Variants in ABCB1 observed in about 807,000 individuals in gnomAD.
ABCB1 encodes ATP binding cassette subfamily B member 1.
ABCB1 carries 69 observed loss-of-function variants against 142.0 expected under a neutral mutation model. The ratio of observed to expected loss-of-function variants is 0.49; its 90% CI spans 0.40 to 0.59. The LOEUF (loss-of-function observed/expected upper bound fraction) is 0.59. Among genes scored for constraint, ABCB1 ranks in the 20% least tolerant of loss-of-function variants. The probability of loss-of-function intolerance (pLI) is 0.00; values close to 1 mark genes in which losing one functional copy is unlikely to be tolerated. For missense variants in ABCB1, 1,326 were observed against 1,554.7 expected, an observed-to-expected ratio of 0.85 and a Z score of 2.47; for synonymous variants, 532 against 539.2, an observed-to-expected ratio of 0.99 and a Z score of 0.18.
At chr7:87,593,260 G>T (rs1819067901) in intron 3 of ABCB1, among the ~76,000 whole-genome samples, 1 of 152,112 alleles carries the variant, frequency 6.6e-6, no homozygotes, top group Non-Finnish European at 1.5e-5. Context: ...TTCATTTTGT[G>T]TAGAAATTAC....
rs201566913 is a variant in ABCB1 at position 87,509,506 on chromosome 7, A to G, written c.3283-25T>C. ...GCTGAAAACAAGAGTTCACAGATCA[A>G]CTTCAGGACCAGCACACTTTGAATG... On this transcript the variant is annotated intron_variant, in intron 25 of 27. Transcript: ENST00000622132. The G allele has an allele frequency of 9.9e-6, 16 of 1,609,626 alleles. 1 individual carries two copies. The South Asian group carries it at 1.8e-4, about 18-fold the overall frequency.
chr7:87,629,260 C>T (rs1453713433), intron 1 of ABCB1: 1 of 282,240 alleles, frequency 3.5e-6, no homozygotes, highest in East Asian at 6.0e-5. Context: ...GGAAGAAGAG[C>T]TCTTTCATTT....
chr7:87,628,893 C>T lies in ABCB1; in HGVS notation c.-330-27815G>A, dbSNP rs372672361. The T allele has an allele frequency of 1.1e-4, 140 of 1,303,590 alleles. No homozygotes were observed. Among genetic ancestry groups the T allele is most frequent in the Non-Finnish European group, 1.3e-4 (132 of 1,018,626 alleles). 80.8% of individuals were successfully genotyped at this position (1,303,590 alleles called of 1,614,324 possible). ...TGGCGGCGGAGGCGGCAAGAAAAGCCTGAGCGCCCGCAATGCTGCGGTGGA... is the reference window on the plus strand; with the variant it reads ...TGGCGGCGGAGGCGGCAAGAAAAGCTTGAGCGCCCGCAATGCTGCGGTGGA... On this transcript the variant is annotated intron_variant, in intron 1 of 28. Transcript: ENST00000265724.
At chr7:87,537,448 C>T (rs1168195632) in intron 19 of ABCB1, among the ~76,000 whole-genome samples, 1 of 152,104 alleles carries the variant, frequency 6.6e-6, no homozygotes, top group Non-Finnish European at 1.5e-5. Flanking sequence ...GTAGGGAGAT[C>T]AGTTAGGAAG....
At chr7:87,512,532 G>T (rs1815060020) in intron 25 of ABCB1, among the ~76,000 whole-genome samples, 1 of 152,120 alleles carries the variant, frequency 6.6e-6, no homozygotes, top group Non-Finnish European at 1.5e-5. Context: ...GGGATTCAAG[G>T]TCCACTGATG....
chr7:87,510,919 A>G (rs1000588182), intron 25 of ABCB1, among the ~76,000 whole-genome samples: 2 of 152,206 alleles, frequency 1.3e-5, no homozygotes, highest in East Asian at 3.8e-4. Context: ...CTTGTTAGAT[A>G]AAACACTGTA....
rs1207664181 is a variant in ABCB1 at position 87,626,019 on chromosome 7, TATATAG to T, written c.-330-24947_-330-24942del. Among the ~76,000 whole-genome samples the T allele has an allele frequency of 2.5e-3, 341 of 137,496 alleles. 7 individuals carry two copies. Among genetic ancestry groups the T allele is most frequent in the African/African-American group, 9.7e-3 (328 of 33,886 alleles). 90.2% of individuals were successfully genotyped at this position (137,496 alleles called of 152,430 possible). ...ATATATGTATATGTACATATATATA[TATATAG>T]AGAGAGAGAGAGAGAGAGAGATGGA... On this transcript the variant is annotated intron_variant, in intron 1 of 28. Transcript: ENST00000265724.
intron 1 of ABCB1, among the ~76,000 whole-genome samples, chr7:87,626,269 TG>T (rs1309408035): frequency 8.3e-5 from 4 of 48,384 alleles, no homozygotes; most frequent in African/African-American, 1.1e-4. Flanking sequence ...GTGTCATATA[TG>T]TGTCATATAT....
At position 87,553,829 on chromosome 7, in the gene ABCB1, C is replaced by T. The variant is rs1237664337; in HGVS notation, c.931G>A (p.Ala311Thr). The change falls in exon 9 of 28, where the codon GCT becomes ACT. Residue 311 changes from alanine to threonine, a missense_variant. By Grantham distance (58) the Ala-to-Thr change is moderately conservative. Transcript: ENST00000622132. ...AAFLLIYASY[A>T]LAFWYGTTLV... is the part of the protein sequence containing the mutation. ...GTGGTCCCATACCAGAAGGCCAGAG[C>T]ATAAGATGCATAGATCAGCAGGAAA... 1 of 1,614,082 alleles carries T rather than the reference C, an allele frequency of 6.2e-7. No homozygotes were observed. Among genetic ancestry groups the T allele is most frequent in the East Asian group, 2.2e-5 (1 of 44,866 alleles).
chr7:87,710,804 T>C, intron 1 of ABCB1: 1 of 512,254 alleles, frequency 2.0e-6, no homozygotes, highest in Non-Finnish European at 3.5e-6. Context: ...CACTGTCTTC[T>C]TAGGAAAATG....
At position 87,545,938 on chromosome 7, in the gene ABCB1, T is replaced by A; in HGVS notation, c.1812A>T (p.Gly604=). ...NADVIAGFDD[G]VIVEKGNHDE... The stretch of plus-strand genomic sequence containing the variant: ...CATGATTTCCTTTCTCCACAATGAC[T>A]CCATCATCGAAACCAGCGATGACGT... Residue 604 remains glycine (G), a synonymous_variant, in exon 15 of 28, where the codon GGA becomes GGT. Coordinates refer to ENST00000622132, the MANE Select transcript of ABCB1 (RefSeq NM_001348946.2). 6.2e-7 allele frequency: 1 copy of A among 1,614,138 alleles called. No individual in the cohort carries two copies. Among genetic ancestry groups the A allele is most frequent in the Non-Finnish European group, 8.5e-7 (1 of 1,179,984 alleles).
At chr7:87,583,131 G>C (rs756853996) in intron 4 of ABCB1, among the ~76,000 whole-genome samples, 1 of 152,180 alleles carries the variant, frequency 6.6e-6, no homozygotes, top group Admixed American at 6.5e-5. Context: ...CATTTGTGAG[G>C]AACATGAAAG....
intron 3 of ABCB1, among the ~76,000 whole-genome samples, chr7:87,590,454 C>T (rs1342294483): frequency 6.6e-6 from 1 of 152,208 alleles, no homozygotes; most frequent in African/African-American, 2.4e-5. Context: ...CATGGTATGA[C>T]ACAGAGACAG....
intron 6 of ABCB1, 29 bp downstream of exon 6, chr7:87,566,756 C>G: frequency 6.2e-7 from 1 of 1,608,788 alleles, no homozygotes; most frequent in Admixed American, 1.7e-5. Flanking sequence ...AGAACGACAC[C>G]CAAGTTCAAC....
chr7:87,546,778 C>T (rs534728996), intron 14 of ABCB1, among the ~76,000 whole-genome samples: 3 of 152,038 alleles, frequency 2.0e-5, no homozygotes, highest in Non-Finnish European at 4.4e-5. Context: ...AAAGTCCAGA[C>T]CTCAATGTCA....
chr7:87,601,371 C>T (rs1044327232), upstream of ABCB1, among the ~76,000 whole-genome samples: 1 of 152,068 alleles, frequency 6.6e-6, no homozygotes, highest in Admixed American at 6.5e-5. Flanking sequence ...ATCTGTTCAT[C>T]CTTTATTTGA....
chr7:87,516,300 G>A (rs1815245289), intron 24 of ABCB1, among the ~76,000 whole-genome samples: 2 of 152,128 alleles, frequency 1.3e-5, no homozygotes, highest in African/African-American at 4.8e-5. Context: ...TATAAAGTGA[G>A]CAGTATTCCT....
At chr7:87,684,693 A>G (rs1424273768) in intron 1 of ABCB1, among the ~76,000 whole-genome samples, 1 of 134,404 alleles carries the variant, frequency 7.4e-6, no homozygotes, top group Admixed American at 8.5e-5. Flanking sequence ...GATTGCAGTG[A>G]GTCGAGATCG....
chr7:87,585,755 T>C (rs1818725015), intron 3 of ABCB1, 75 bp from the exon 4 acceptor site: 5 of 1,510,162 alleles, frequency 3.3e-6, no homozygotes, highest in Non-Finnish European at 4.5e-6. Context: ...TCCTTCAAAA[T>C]ATATCCAAAA....
Sources: allele counts gnomAD v4.1 joint callset (sites outside exome capture counted in the v4.1 genomes callset), GRCh38; gene constraint gnomAD v4.1.1; transcripts MANE v1.5; gene names NCBI Gene and HGNC (gene_info 2026-07-23, HGNC 2026-07-21).